Variants in CHST2 observed in about 807,000 individuals in gnomAD.
CHST2 encodes N-acetylglucosamine 6-O-sulfotransferase 1.
In CHST2, 23 loss-of-function variants were observed where a neutral mutation model predicts 34.6. That is an observed-to-expected ratio of 0.67 (90% CI 0.48 to 0.94). The LOEUF (loss-of-function observed/expected upper bound fraction) is 0.94. Ranked by LOEUF, CHST2 falls within the 40% of genes least tolerant of loss-of-function variation. The probability of loss-of-function intolerance (pLI) is 0.00; values close to 1 mark genes in which losing one functional copy is unlikely to be tolerated. For synonymous variants in CHST2, 392 were observed against 343.1 expected (o/e 1.14, Z -1.58); for missense variants, 720 against 759.5 (o/e 0.95, Z 0.61).
In CHST2 at chr3:143,120,922, C is replaced by T. The variant is rs1486405381; in HGVS notation, c.106C>T (p.Arg36Cys). 1.1e-5 allele frequency: 16 copies of T among 1,515,318 alleles called. No individual in the cohort carries two copies. Among genetic ancestry groups the T allele is most frequent in the Admixed American group, 2.2e-5 (1 of 46,414 alleles). 93.9% of individuals were successfully genotyped at this position (1,515,318 alleles called of 1,614,324 possible). The change falls in exon 2 of 2, where the codon CGC becomes TGC. Residue 36 changes from arginine to cysteine, a missense_variant. This residue lies in a region of CHST2 where 287 missense variants were observed against 242.7 expected (regional missense o/e 1.18). Transcript: ENST00000309575. This position sits in a 1 kb window ranked among gnomAD's most constrained non-coding sequence, Gnocchi z 4.1. ...PRALLPQWPR[R>C]PGRRWPASPL... ...TGCCCTGCTCCCGCAGTGGCCCCGG[C>T]GCCCAGGACGCCGCTGGCCCGCGTC...
rs150194588 is a variant in CHST2, at chr3:143,121,554, G to A, written c.738G>A (p.Thr246=). ...PAGSGGRNLT[T]LGIFGAATNK... ...GCAGCGGGGGGCGCAACCTCACCAC[G>A]CTGGGCATCTTCGGCGCAGCCACCA... is the stretch of plus-strand genomic sequence containing the variant. The change falls in exon 2 of 2, where the codon ACG becomes ACA. Residue 246 remains threonine, a synonymous_variant. Transcript: ENST00000309575. The A allele has an allele frequency of 1.4e-5, 23 of 1,610,176 alleles. No homozygotes were observed. Among genetic ancestry groups the A allele is most frequent in the Admixed American group, 1.7e-5 (1 of 59,854 alleles).
Position 143,122,527 on chromosome 3 carries a change from A to G in CHST2, c.*118A>G, listed in dbSNP as rs1201923383. On this transcript the variant is annotated 3_prime_UTR_variant, in exon 2 of 2. Coordinates refer to ENST00000309575, the MANE Select transcript of CHST2 (RefSeq NM_004267.5). The stretch of plus-strand genomic sequence containing the variant: ...GAAGCCCACATATTCTATTATAGAT[A>G]TATAAATAATCACACACACACTTGC... 4 of 1,020,062 alleles carry G rather than the reference A, an allele frequency of 3.9e-6. No individual in the cohort carries two copies. Among genetic ancestry groups the G allele is most frequent in the African/African-American group, 1.6e-5 (1 of 61,016 alleles). 63.2% of individuals were successfully genotyped at this position (1,020,062 alleles called of 1,614,324 possible).
At position 143,120,169 on chromosome 3, in the gene CHST2, C is replaced by T; in HGVS notation, c.-546C>T. The T allele has an allele frequency of 6.6e-6, 1 of 152,590 alleles. No homozygotes were observed. The highest frequency in any genetic ancestry group is 1.5e-5 in the Non-Finnish European group (1 of 68,308). 9.5% of individuals were successfully genotyped at this position (152,590 alleles called of 1,614,324 possible). A position where few individuals can be genotyped will look rare whatever the true frequency, so the allele number is the denominator to read the frequency against. On this transcript the variant is annotated 5_prime_UTR_variant, in exon 1 of 2. Coordinates refer to ENST00000309575, the MANE Select transcript of CHST2 (RefSeq NM_004267.5). This position sits in a 1 kb window ranked among gnomAD's most constrained non-coding sequence, Gnocchi z 4.1. Reference sequence around the variant, plus strand: ...CGGAGGCCGAAAGCGAGAGGGGCTGCGCCGCTATGCCGGGAGCTGAGTCCC... The same window carrying T: ...CGGAGGCCGAAAGCGAGAGGGGCTGTGCCGCTATGCCGGGAGCTGAGTCCC...
rs761883936 is a variant in CHST2, at chr3:143,122,404, C to T, written c.1588C>T (p.Leu530Phe). 2.5e-6 allele frequency: 4 copies of T among 1,587,462 alleles called. No homozygotes were observed. The Admixed American group carries it at 5.4e-5, about 21-fold the overall frequency. ...CAAGACCCTGCTTCGGAAGCCCCGT[C>T]TCTAAAAGGGGTTCCCAGGAGACCT... ...LSKTLLRKPR[L>F] is the part of the protein sequence containing the mutation. Residue 530 changes from leucine (L) to phenylalanine (F), a missense_variant, in exon 2 of 2, where the codon CTC (leucine) becomes TTC (phenylalanine). Leu to Phe is a conservative substitution (Grantham distance 22, BLOSUM62 0). Around this residue, in one of 4 missense-constraint regions of CHST2, gnomAD observed 224 missense variants for 227.8 expected, o/e 0.98. Transcript: ENST00000309575.
At position 143,123,341 on chromosome 3, in the gene CHST2, C is replaced by T. The variant is rs966889236; in HGVS notation, c.*932C>T. 6.6e-6 allele frequency: 1 copy of T among 152,034 alleles called. No homozygotes were observed. Among genetic ancestry groups the T allele is most frequent in the African/African-American group, 2.4e-5 (1 of 41,348 alleles). 9.4% of individuals were successfully genotyped at this position (152,034 alleles called of 1,614,324 possible). ...AAATGGGGAACCTTGAAGCAGAGAC[C>T]AATGTTTTGGTGCTGAGGCTGGTTC... On this transcript the variant is annotated 3_prime_UTR_variant, in exon 2 of 2. Coordinates refer to ENST00000309575, the MANE Select transcript of CHST2 (RefSeq NM_004267.5).
chr3:143,121,073 G>A lies in CHST2; in HGVS notation c.257G>A (p.Cys86Tyr), dbSNP rs1936206283. The A allele has an allele frequency of 6.6e-7, 1 of 1,513,594 alleles. No homozygotes were observed. 93.8% of individuals were successfully genotyped at this position (1,513,594 alleles called of 1,614,324 possible). The change falls in exon 2 of 2, where the codon TGC (cysteine) becomes TAC (tyrosine). Residue 86 changes from cysteine to tyrosine, a missense_variant. By Grantham distance (194) the Cys-to-Tyr change is radical. Transcript: ENST00000309575. ...YKWHKEPLQQ[C>Y]NPDGPLGAAA... ...TGGCACAAGGAGCCGCTGCAGCAGT[G>A]CAACCCCGATGGGCCGCTGGGTGCC...
In CHST2 at chr3:143,121,387, T is replaced by G. The variant is rs751592268; in HGVS notation, c.571T>G (p.Phe191Val). 6.2e-7 allele frequency: 1 copy of G among 1,613,748 alleles called. No individual in the cohort carries two copies. Among genetic ancestry groups the G allele is most frequent in the Non-Finnish European group, 8.5e-7 (1 of 1,180,018 alleles). Reference sequence around the variant, plus strand: ...GCTATTCAACCAGAATCCCGAGGTGTTCTTTCTCTACGAGCCAGTGTGGCA... The same window carrying G: ...GCTATTCAACCAGAATCCCGAGGTGGTCTTTCTCTACGAGCCAGTGTGGCA... The part of the protein sequence containing the change: ...GELFNQNPEV[F>V]FLYEPVWHVW... The change falls in exon 2 of 2, where the codon TTC becomes GTC. Residue 191 changes from phenylalanine to valine, a missense_variant. Transcript: ENST00000309575.
Position 143,122,603 on chromosome 3 carries a change from C to A in CHST2, c.*194C>A. 1.8e-6 allele frequency: 1 copy of A among 550,660 alleles called. No homozygotes were observed. Among genetic ancestry groups the A allele is most frequent in the Non-Finnish European group, 3.0e-6 (1 of 330,328 alleles). 34.1% of individuals were successfully genotyped at this position (550,660 alleles called of 1,614,324 possible). ...TCAAGGAACAGCCACAAAATACACA[C>A]CCCTAAGAAAAGGCAAGACTTGAAC... is the stretch of plus-strand genomic sequence containing the variant. On this transcript the variant is annotated 3_prime_UTR_variant, in exon 2 of 2. Coordinates refer to ENST00000309575, the MANE Select transcript of CHST2 (RefSeq NM_004267.5).
rs753311789 is a variant in CHST2, at chr3:143,122,271, C to T, written c.1455C>T (p.Thr485=). 27 of 1,613,996 alleles carry T rather than the reference C, an allele frequency of 1.7e-5. No homozygotes were observed. The South Asian group carries it at 1.8e-4, about 11-fold the overall frequency. ...NATQAANAWR[T]ALTFQQIKQV... ...CGCAGGCCGCCAATGCCTGGCGGAC[C>T]GCCCTCACCTTCCAGCAGATCAAAC... Residue 485 remains threonine, a synonymous_variant, in exon 2 of 2, where the codon ACC becomes ACT. Coordinates refer to ENST00000309575, the MANE Select transcript of CHST2 (RefSeq NM_004267.5).
At position 143,120,750 on chromosome 3, in the gene CHST2, C is replaced by G; in HGVS notation, c.-67C>G. On this transcript the variant is annotated 5_prime_UTR_variant, in exon 2 of 2. Coordinates refer to ENST00000309575, the MANE Select transcript of CHST2 (RefSeq NM_004267.5). This position sits in a 1 kb window ranked among gnomAD's most constrained non-coding sequence, Gnocchi z 4.1. ...CCGAGTCCCGGCGCCAGCAGCCAGCCCGCTGCGTCCCCTTCCCGGGCTGCA... is the reference window on the plus strand; with the variant it reads ...CCGAGTCCCGGCGCCAGCAGCCAGCGCGCTGCGTCCCCTTCCCGGGCTGCA... 8.4e-7 allele frequency: 1 copy of G among 1,191,094 alleles called. No individual in the cohort carries two copies. Among genetic ancestry groups the G allele is most frequent in the Non-Finnish European group, 1.0e-6 (1 of 961,508 alleles). The allele number at this position is 1,191,094 out of a possible 1,614,324, so 73.8% of individuals were successfully genotyped here.
chr3:143,122,289 G>A lies in CHST2; in HGVS notation c.1473G>A (p.Gln491=). ...NAWRTALTFQ[Q]IKQVEEFCYQ... ...GGCGGACCGCCCTCACCTTCCAGCA[G>A]ATCAAACAGGTGGAGGAGTTTTGCT... The change falls in exon 2 of 2, where the codon CAG becomes CAA. Residue 491 remains glutamine, a synonymous_variant. Coordinates refer to ENST00000309575, the MANE Select transcript of CHST2 (RefSeq NM_004267.5). The A allele has an allele frequency of 6.2e-7, 1 of 1,614,132 alleles. No homozygotes were observed. The highest frequency in any genetic ancestry group is 8.5e-7 in the Non-Finnish European group (1 of 1,180,036).
chr3:143,120,861 T>G lies in CHST2; in HGVS notation c.45T>G (p.Pro15=), dbSNP rs770799521. 3 of 1,372,290 alleles carry G rather than the reference T, an allele frequency of 2.2e-6. No individual in the cohort carries two copies. Among genetic ancestry groups the G allele is most frequent in the Non-Finnish European group, 2.8e-6 (3 of 1,069,592 alleles). 85.0% of individuals were successfully genotyped at this position (1,372,290 alleles called of 1,614,324 possible). The change falls in exon 2 of 2, where the codon CCT becomes CCG. Residue 15 remains proline (P), a synonymous_variant. Coordinates refer to ENST00000309575, the MANE Select transcript of CHST2 (RefSeq NM_004267.5). This position sits in a 1 kb window ranked among gnomAD's most constrained non-coding sequence, Gnocchi z 4.1. ...GAGCTCTGCCCCCGGGCGCGCTCCC[T>G]CGGCTGCTCCAGGCTGCGCCTGCAG... is the stretch of plus-strand genomic sequence containing the variant. ...PQRALPPGAL[P]RLLQAAPAAA...
rs1036874299 is a variant in CHST2 at position 143,119,808 on chromosome 3, T to A, written c.-907T>A. On this transcript the variant is annotated 5_prime_UTR_variant, in exon 1 of 2. Coordinates refer to ENST00000309575, the MANE Select transcript of CHST2 (RefSeq NM_004267.5). ...CCGAGCGCGTTGCGGGCGCCCGGCG[T>A]AAGGGGAGTCGGGTAGCAGCATCCT... 2 of 151,754 alleles carry A rather than the reference T, an allele frequency of 1.3e-5. No individual in the cohort carries two copies. The highest frequency in any genetic ancestry group is 4.8e-5 in the African/African-American group (2 of 41,254). 9.4% of individuals were successfully genotyped at this position (151,754 alleles called of 1,614,324 possible).
Position 143,121,372 on chromosome 3 carries a change from C to G in CHST2, c.556C>G (p.Gln186Glu), listed in dbSNP as rs1559816615. Residue 186 changes from glutamine (Q) to glutamate (E), a missense_variant, in exon 2 of 2, where the codon CAG (glutamine) becomes GAG (glutamate). By Grantham distance (29) the Gln-to-Glu change is conservative (BLOSUM62 2). This residue lies in a region of CHST2 where 43 missense variants were observed against 77.6 expected (regional missense o/e 0.55). Coordinates refer to ENST00000309575, the MANE Select transcript of CHST2 (RefSeq NM_004267.5). ...GTCGTTCTTCGGCGAGCTATTCAAC[C>G]AGAATCCCGAGGTGTTCTTTCTCTA... is the stretch of plus-strand genomic sequence containing the variant. ...GSSFFGELFNQNPEVFFLYEP... is the reference protein window; with the variant it reads ...GSSFFGELFNENPEVFFLYEP... 6.2e-7 allele frequency: 1 copy of G among 1,613,716 alleles called. No homozygotes were observed. The highest frequency in any genetic ancestry group is 8.5e-7 in the Non-Finnish European group (1 of 1,180,022).
chr3:143,120,560 C>T lies in CHST2; in HGVS notation c.-174+19C>T. On this transcript the variant is annotated intron_variant, in intron 1 of 1. Coordinates refer to ENST00000309575, the MANE Select transcript of CHST2 (RefSeq NM_004267.5). The surrounding 1 kb of genome is among the most constrained non-coding windows in gnomAD (Gnocchi z 4.1). ...GCTCCAGGTGAGCGGAGGAACCGGG[C>T]AGAACCGAGGGTGGGCGTTACTTAG... 3.9e-6 allele frequency: 1 copy of T among 258,632 alleles called. No individual in the cohort carries two copies. Among genetic ancestry groups the T allele is most frequent in the Non-Finnish European group, 7.2e-6 (1 of 139,540 alleles). 16.0% of individuals were successfully genotyped at this position (258,632 alleles called of 1,614,324 possible). A position where few individuals can be genotyped will look rare whatever the true frequency, so the allele number is the denominator to read the frequency against.
Position 143,122,738 on chromosome 3 carries a change from C to G in CHST2, c.*329C>G. On this transcript the variant is annotated 3_prime_UTR_variant, in exon 2 of 2. Coordinates refer to ENST00000309575, the MANE Select transcript of CHST2 (RefSeq NM_004267.5). ...TTTTGAAGTGGGATGTTAATGAAATCAAGTTCCAGTAACCCAAATCTTGTT... is the reference window on the plus strand; with the variant it reads ...TTTTGAAGTGGGATGTTAATGAAATGAAGTTCCAGTAACCCAAATCTTGTT... 4.6e-6 allele frequency: 1 copy of G among 215,090 alleles called. No individual in the cohort carries two copies. The highest frequency in any genetic ancestry group is 1.2e-4 in the East Asian group (1 of 8,608). The allele number at this position is 215,090 out of a possible 1,614,324, so 13.3% of individuals were successfully genotyped here. A position where few individuals can be genotyped will look rare whatever the true frequency, so the allele number is the denominator to read the frequency against.
At position 143,120,921 on chromosome 3, in the gene CHST2, G is replaced by C; in HGVS notation, c.105G>C (p.Arg35=). ...APRALLPQWP[R]RPGRRWPASP... The stretch of plus-strand genomic sequence containing the variant: ...GTGCCCTGCTCCCGCAGTGGCCCCG[G>C]CGCCCAGGACGCCGCTGGCCCGCGT... Residue 35 remains arginine, a synonymous_variant, in exon 2 of 2, where the codon CGG becomes CGC. Coordinates refer to ENST00000309575, the MANE Select transcript of CHST2 (RefSeq NM_004267.5). The surrounding 1 kb of genome is among the most constrained non-coding windows in gnomAD (Gnocchi z 4.1). 1 of 1,515,318 alleles carries C rather than the reference G, an allele frequency of 6.6e-7. No individual in the cohort carries two copies. The highest frequency in any genetic ancestry group is 1.4e-5 in the African/African-American group (1 of 69,812). 93.9% of individuals were successfully genotyped at this position (1,515,318 alleles called of 1,614,324 possible). A position where few individuals can be genotyped will look rare whatever the true frequency, so the allele number is the denominator to read the frequency against.
Position 143,121,115 on chromosome 3 carries a change from G to A in CHST2, c.299G>A (p.Gly100Glu). ...CTGGGTGCCGCAGCGGGGGCAGCCG[G>A]AGGCAGCTGGGGGCGCCCAGGGCCG... ...GPLGAAAGAAGGSWGRPGPPP... is the reference protein window; with the variant it reads ...GPLGAAAGAAEGSWGRPGPPP... Residue 100 changes from glycine (G) to glutamate (E), a missense_variant, in exon 2 of 2, where the codon GGA becomes GAA. Coordinates refer to ENST00000309575, the MANE Select transcript of CHST2 (RefSeq NM_004267.5). 6.7e-7 allele frequency: 1 copy of A among 1,486,188 alleles called. No individual in the cohort carries two copies. Among genetic ancestry groups the A allele is most frequent in the Non-Finnish European group, 8.9e-7 (1 of 1,123,870 alleles). The allele number at this position is 1,486,188 out of a possible 1,614,324, so 92.1% of individuals were successfully genotyped here. A position where few individuals can be genotyped will look rare whatever the true frequency, so the allele number is the denominator to read the frequency against.
At position 143,121,066 on chromosome 3, in the gene CHST2, C is replaced by T; in HGVS notation, c.250C>T (p.Gln84Ter). 6.6e-7 allele frequency: 1 copy of T among 1,519,982 alleles called. No homozygotes were observed. The highest frequency in any genetic ancestry group is 8.8e-7 in the Non-Finnish European group (1 of 1,135,722). The allele number at this position is 1,519,982 out of a possible 1,614,324, so 94.2% of individuals were successfully genotyped here. A position where few individuals can be genotyped will look rare whatever the true frequency, so the allele number is the denominator to read the frequency against. Residue 84 changes from glutamine (Q) to a stop codon, truncating the protein, a stop_gained, in exon 2 of 2, where the codon CAG becomes TAG. Transcript: ENST00000309575. LOFTEE classifies it high-confidence loss of function. Reference protein sequence around the residue: ...LDYKWHKEPLQQCNPDGPLGA... With the variant: ...LDYKWHKEPL ...CTACAAGTGGCACAAGGAGCCGCTG[C>T]AGCAGTGCAACCCCGATGGGCCGCT...
Sources: gnomAD v4.1 joint callset for allele counts on GRCh38, gnomAD v4.1.1 for gene constraint, gnomAD v4.1.1 regional missense constraint, Gnocchi (gnomAD v3.1) non-coding constraint, MANE v1.5 for transcripts, NCBI Gene and HGNC (gene_info 2026-07-23, HGNC 2026-07-21) for gene names.